Variants in KCND2 observed in about 807,000 individuals in gnomAD.
KCND2 encodes the protein potassium voltage-gated channel subfamily D member 2.
KCND2 carries 16 observed loss-of-function variants against 54.4 expected under a neutral mutation model. The observed-to-expected ratio is 0.29, with a 90% CI of 0.20 to 0.45. The LOEUF is 0.45. Among genes scored for constraint, KCND2 ranks in the 20% least tolerant of loss-of-function variants. KCND2 has a pLI of 1.00. For missense variants in KCND2, 486 were observed against 824.2 expected (o/e 0.59, Z 5.02); for synonymous variants, 317 against 310.7 (o/e 1.02, Z -0.21).
chr7:120,649,037 A>G lies in KCND2; in HGVS notation c.1116-83866A>G, dbSNP rs186645777. ...TAAAAACACATAGATTCATAGTCTC[A>G]TTGACACAGGAAGAAAAGATCTTAA... On this transcript the variant is annotated intron_variant, in intron 1 of 5. Coordinates refer to ENST00000331113, the MANE Select transcript of KCND2 (RefSeq NM_012281.3). Among the ~76,000 whole-genome samples, 14 of 152,346 alleles carry G rather than the reference A, an allele frequency of 9.2e-5. No individual in the cohort carries two copies. In the East Asian group the frequency reaches 2.5e-3, roughly 27 times the overall value.
At position 120,697,380 on chromosome 7, in the gene KCND2, AT is replaced by A. The variant is rs571764791; in HGVS notation, c.1116-35515del. Among the ~76,000 whole-genome samples the A allele has an allele frequency of 1.6e-3, 238 of 152,090 alleles. 1 individual carries two copies. The highest frequency in any genetic ancestry group is 0.014 in the Middle Eastern group (4 of 294). ...TTTAGATTTATCTAGGTATGTGAAG[AT>A]TTTTTTTATTATAATTATTTGTTTT... On this transcript the variant is annotated intron_variant, in intron 1 of 5. Coordinates refer to ENST00000331113, the MANE Select transcript of KCND2 (RefSeq NM_012281.3).
intron 1 of KCND2, among the ~76,000 whole-genome samples, chr7:120,711,985 G>A (rs996912253): frequency 5.3e-5 from 8 of 151,980 alleles, no homozygotes; most frequent in Non-Finnish European, 8.8e-5. Flanking sequence ...ATTAAGGTGA[G>A]TACTATGCTT....
At chr7:120,293,682 C>T (rs1799469844) in intron 1 of KCND2, among the ~76,000 whole-genome samples, 1 of 151,548 alleles carries the variant, frequency 6.6e-6, no homozygotes, top group Non-Finnish European at 1.5e-5. Flanking sequence ...GAGTAATTAC[C>T]CTGAGTCTGC....
chr7:120,351,848 G>T (rs530096890), intron 1 of KCND2, among the ~76,000 whole-genome samples: 1 of 144,208 alleles, frequency 6.9e-6, no homozygotes, highest in Non-Finnish European at 1.5e-5. Flanking sequence ...GTCTCATTCT[G>T]TCACCAGGCT....
At chr7:120,615,678 C>T (rs1793015236) in intron 1 of KCND2, among the ~76,000 whole-genome samples, 1 of 152,124 alleles carries the variant, frequency 6.6e-6, no homozygotes, top group Non-Finnish European at 1.5e-5. Context: ...TGTTCTTTAT[C>T]ACCGTTTTGT....
chr7:120,345,162 A>G (rs193114453), intron 1 of KCND2, among the ~76,000 whole-genome samples: 3 of 152,198 alleles, frequency 2.0e-5, no homozygotes, highest in Non-Finnish European at 4.4e-5. Flanking sequence ...ACATTCATAG[A>G]GAATTCCTTC....
intron 1 of KCND2, among the ~76,000 whole-genome samples, chr7:120,521,647 G>A (rs1407508806): frequency 6.6e-6 from 1 of 152,098 alleles, no homozygotes; most frequent in Admixed American, 6.6e-5. Context: ...TCATAGTGCT[G>A]TTGTGAGATT....
At chr7:120,356,331 ATGTAAACTATAGTTACAC>A (rs1261921759) in intron 1 of KCND2, among the ~76,000 whole-genome samples, 10 of 152,172 alleles carry the variant, frequency 6.6e-5, no homozygotes, top group African/African-American at 2.4e-4. Context: ...CTTTAACATC[ATGTAAACTATAGTTACAC>A]TGCTGAGAGT....
intron 1 of KCND2, among the ~76,000 whole-genome samples, chr7:120,578,958 G>C (rs1435793719): frequency 1.4e-5 from 2 of 138,836 alleles, no homozygotes; most frequent in Non-Finnish European, 3.1e-5. Flanking sequence ...AAAGAAAAAA[G>C]AAATAAAGAA....
chr7:120,474,791 G>C (rs545479447), intron 1 of KCND2, among the ~76,000 whole-genome samples: 1 of 152,178 alleles, frequency 6.6e-6, no homozygotes, highest in South Asian at 2.1e-4. Flanking sequence ...CCCAGGACAC[G>C]TAAAGCTTAT....
chr7:120,274,515 T>C lies in KCND2; in HGVS notation c.-118T>C. 8.6e-7 allele frequency: 1 copy of C among 1,167,662 alleles called. No homozygotes were observed. Among genetic ancestry groups the C allele is most frequent in the Non-Finnish European group, 1.3e-6 (1 of 777,092 alleles). The allele number at this position is 1,167,662 out of a possible 1,614,324, so 72.3% of individuals were successfully genotyped here. The stretch of plus-strand genomic sequence containing the variant: ...CCTATCTTGGAATAAGAGTTACACC[T>C]CTGGACCACGTTTCTCACTAGTACT... On this transcript the variant is annotated 5_prime_UTR_variant, in exon 1 of 6. Coordinates refer to ENST00000331113, the MANE Select transcript of KCND2 (RefSeq NM_012281.3).
At chr7:120,326,558 A>G (rs1799982300) in intron 1 of KCND2, among the ~76,000 whole-genome samples, 1 of 152,118 alleles carries the variant, frequency 6.6e-6, no homozygotes, top group African/African-American at 2.4e-5. Context: ...AATATATTCT[A>G]TCTTGTCTTC....
chr7:120,535,943 T>A (rs546959222), intron 1 of KCND2, among the ~76,000 whole-genome samples: 1 of 152,212 alleles, frequency 6.6e-6, no homozygotes, highest in East Asian at 1.9e-4. Flanking sequence ...TTAAAAGAAA[T>A]GCAAGCCACT....
At chr7:120,549,690 T>C (rs1792082942) in intron 1 of KCND2, among the ~76,000 whole-genome samples, 1 of 152,158 alleles carries the variant, frequency 6.6e-6, no homozygotes, top group Admixed American at 6.6e-5. Context: ...CTGAGTAAAA[T>C]AGCTGTTTTT....
At chr7:120,649,407 C>G (rs1791696361) in intron 1 of KCND2, among the ~76,000 whole-genome samples, 1 of 152,068 alleles carries the variant, frequency 6.6e-6, no homozygotes, top group Non-Finnish European at 1.5e-5. Flanking sequence ...CAGAAGAGTT[C>G]AAGAATGCCA....
At chr7:120,278,548 C>G (rs1478735156) in intron 1 of KCND2, among the ~76,000 whole-genome samples, 3 of 150,624 alleles carry the variant, frequency 2.0e-5, no homozygotes, top group African/African-American at 4.9e-5. Context: ...AATAAATAAC[C>G]AAGAGCTTTG....
At chr7:120,304,800 G>C (rs559628235) in intron 1 of KCND2, among the ~76,000 whole-genome samples, 8 of 152,144 alleles carry the variant, frequency 5.3e-5, no homozygotes, top group African/African-American at 1.9e-4. Context: ...TGTTAAATTA[G>C]AGAAGTCGCC....
intron 1 of KCND2, among the ~76,000 whole-genome samples, chr7:120,667,673 G>C (rs925758013): frequency 1.3e-5 from 2 of 152,018 alleles, no homozygotes; most frequent in Non-Finnish European, 2.9e-5. Flanking sequence ...TTTTAGCTTA[G>C]AGGCATTAGA....
intron 1 of KCND2, among the ~76,000 whole-genome samples, chr7:120,515,428 G>A (rs1043387369): frequency 2.6e-5 from 4 of 152,096 alleles, no homozygotes; most frequent in Admixed American, 6.6e-5. Context: ...AAATACATGT[G>A]AAAAGGTTAA....
Sources: allele counts gnomAD v4.1 joint callset (sites outside exome capture counted in the v4.1 genomes callset), GRCh38; gene constraint gnomAD v4.1.1; transcripts MANE v1.5; gene names NCBI Gene and HGNC (gene_info 2026-07-23, HGNC 2026-07-21).